The following CCSER1 variants were observed in gnomAD, a reference collection of about 807,000 sequenced individuals.
CCSER1 encodes the protein serine-rich coiled-coil domain-containing protein 1.
Under a neutral mutation model 82.0 loss-of-function variants are expected in CCSER1, and 41 were observed. That is an observed-to-expected ratio of 0.50 (90% CI 0.39 to 0.65). The LOEUF (loss-of-function observed/expected upper bound fraction) is 0.65. Among genes scored for constraint, CCSER1 ranks in the 30% least tolerant of loss-of-function variants. The probability of loss-of-function intolerance (pLI) is 0.00; values close to 1 mark genes in which losing one functional copy is unlikely to be tolerated. For synonymous variants in CCSER1, 414 were observed against 383.9 expected, an observed-to-expected ratio of 1.08 and a Z score of -0.92; for missense variants, 1,119 against 1,064.2, an observed-to-expected ratio of 1.05 and a Z score of -0.72.
rs577460173 is a variant in CCSER1 at position 90,754,093 on chromosome 4, G to A, written c.2010+30102G>A. Among the ~76,000 whole-genome samples the A allele has an allele frequency of 4.3e-4, 65 of 152,134 alleles. 1 individual carries two copies. In the South Asian group the frequency reaches 0.013, roughly 32 times the overall value. On this transcript the variant is annotated intron_variant, in intron 7 of 10. Coordinates refer to ENST00000509176, the MANE Select transcript of CCSER1 (RefSeq NM_001145065.2). ...CATTTTCTGTTTTGTTTTTCTTCAT[G>A]GCACTTATTATTTTTCATAGCACAA...
At chr4:90,333,456 G>GA (rs1739743213) in intron 3 of CCSER1, among the ~76,000 whole-genome samples, 1 of 151,914 alleles carries the variant, frequency 6.6e-6, no homozygotes, top group South Asian at 2.1e-4. Flanking sequence ...ATAAAACCAA[G>GA]AAAAAAATCA....
At chr4:90,175,552 C>T (rs1317057606) in intron 1 of CCSER1, among the ~76,000 whole-genome samples, 1 of 151,878 alleles carries the variant, frequency 6.6e-6, no homozygotes, top group African/African-American at 2.4e-5. Context: ...ATCTGACACA[C>T]AATAAAAGTT....
chr4:91,346,797 A>G (rs1443577496), intron 10 of CCSER1, among the ~76,000 whole-genome samples: 1 of 152,158 alleles, frequency 6.6e-6, no homozygotes, highest in African/African-American at 2.4e-5. Context: ...TGAGGTGTCT[A>G]TAGATAACTT....
At chr4:90,655,815 A>T (rs1321457198) in intron 6 of CCSER1, among the ~76,000 whole-genome samples, 1 of 151,990 alleles carries the variant, frequency 6.6e-6, no homozygotes, top group African/African-American at 2.4e-5. Flanking sequence ...CCAAATAGAG[A>T]TATTGTTAAT....
chr4:90,808,945 T>G (rs917205691), intron 7 of CCSER1, among the ~76,000 whole-genome samples: 1 of 152,162 alleles, frequency 6.6e-6, no homozygotes, highest in African/African-American at 2.4e-5. Flanking sequence ...CATGCATATG[T>G]TTACCACAGC....
chr4:91,539,109 T>C (rs569928796), intron 10 of CCSER1, among the ~76,000 whole-genome samples: 8 of 152,214 alleles, frequency 5.3e-5, no homozygotes, highest in South Asian at 2.1e-4. Context: ...TTAGTTAACT[T>C]TGACATTTTC....
chr4:91,115,192 T>C lies in CCSER1; in HGVS notation c.2217+29198T>C, dbSNP rs747782303. Among the ~76,000 whole-genome samples, 88 of 152,364 alleles carry C rather than the reference T, an allele frequency of 5.8e-4. No individual in the cohort carries two copies. In the Middle Eastern group the frequency reaches 0.01, roughly 18 times the overall value. On this transcript the variant is annotated intron_variant, in intron 10 of 10. Coordinates refer to ENST00000509176, the MANE Select transcript of CCSER1 (RefSeq NM_001145065.2). ...CTTTTTAGAAAGTAAGTGAAAATAG[T>C]TACCAACTTTGTCAATATTTGCATT... is the stretch of plus-strand genomic sequence containing the variant.
intron 6 of CCSER1, among the ~76,000 whole-genome samples, chr4:90,690,214 A>AT (rs1014069446): frequency 2.3e-4 from 35 of 152,206 alleles, no homozygotes; most frequent in African/African-American, 7.9e-4. Context: ...ATATATTGAT[A>AT]TTGAAGGCAC....
intron 8 of CCSER1, among the ~76,000 whole-genome samples, chr4:90,844,513 C>T (rs544390391): frequency 6.6e-6 from 1 of 152,152 alleles, no homozygotes; most frequent in Non-Finnish European, 1.5e-5. Flanking sequence ...GGTATTTTGC[C>T]TTAGCTCATT....
chr4:90,503,690 G>T (rs1477603118), intron 5 of CCSER1, among the ~76,000 whole-genome samples: 5 of 152,060 alleles, frequency 3.3e-5, no homozygotes, highest in Non-Finnish European at 5.9e-5. Flanking sequence ...GCGATAGTTT[G>T]CTGAGAAGGA....
intron 9 of CCSER1, among the ~76,000 whole-genome samples, chr4:90,992,577 T>C (rs947123416): frequency 6.6e-5 from 10 of 152,000 alleles, no homozygotes; most frequent in Non-Finnish European, 1.3e-4. Context: ...TTCAAAACTG[T>C]GGTCTTATCC....
chr4:90,177,135 G>A (rs1732856619), intron 1 of CCSER1, among the ~76,000 whole-genome samples: 1 of 152,038 alleles, frequency 6.6e-6, no homozygotes, highest in South Asian at 2.1e-4. Flanking sequence ...ATGATGACAA[G>A]ATCATGAACA....
At chr4:90,139,596 T>C (rs1205160213) in intron 1 of CCSER1, among the ~76,000 whole-genome samples, 1 of 152,212 alleles carries the variant, frequency 6.6e-6, no homozygotes, top group Non-Finnish European at 1.5e-5. Context: ...GTAATTTTTT[T>C]CCTTGAGAAC....
intron 1 of CCSER1, among the ~76,000 whole-genome samples, chr4:90,230,826 A>G (rs1200106548): frequency 1.3e-5 from 2 of 152,230 alleles, no homozygotes; most frequent in Non-Finnish European, 2.9e-5. Context: ...AACTACCATC[A>G]GAGAATACTA....
chr4:90,977,971 A>T (rs1735763765), intron 9 of CCSER1, among the ~76,000 whole-genome samples: 1 of 151,806 alleles, frequency 6.6e-6, no homozygotes, highest in African/African-American at 2.4e-5. Context: ...GATGTCATTA[A>T]TTAACTGATA....
At chr4:90,703,802 T>G (rs2149289753) in intron 6 of CCSER1, among the ~76,000 whole-genome samples, 1 of 152,078 alleles carries the variant, frequency 6.6e-6, no homozygotes, top group Admixed American at 6.6e-5. Flanking sequence ...CAACCCCCAC[T>G]TTTTTTTGTT....
chr4:90,348,692 T>C (rs987943527), intron 3 of CCSER1, among the ~76,000 whole-genome samples: 24 of 152,148 alleles, frequency 1.6e-4, no homozygotes, highest in African/African-American at 5.8e-4. Flanking sequence ...ATTCCAAAGA[T>C]AGAATTATAT....
At chr4:90,532,145 T>C (rs1410688096) in intron 5 of CCSER1, among the ~76,000 whole-genome samples, 1 of 152,202 alleles carries the variant, frequency 6.6e-6, no homozygotes, top group Non-Finnish European at 1.5e-5. Context: ...ATTTATCTTA[T>C]ATGACCACAT....
intron 8 of CCSER1, among the ~76,000 whole-genome samples, chr4:90,837,970 G>C (rs1261054908): frequency 6.6e-6 from 1 of 152,006 alleles, no homozygotes; most frequent in Non-Finnish European, 1.5e-5. Flanking sequence ...AAGGAATATA[G>C]AAATTGCATA....
Sources: gnomAD v4.1 joint callset for allele counts (sites outside exome capture counted in the v4.1 genomes callset) on GRCh38, gnomAD v4.1.1 for gene constraint, MANE v1.5 for transcripts, NCBI Gene and HGNC (gene_info 2026-07-23, HGNC 2026-07-21) for gene names.